The following FGF5 variants were observed in gnomAD, a reference collection of about 807,000 sequenced individuals.
The protein encoded by FGF5 is heparin-binding growth factor 5.
Under a neutral mutation model 21.8 loss-of-function variants are expected in FGF5, and 23 were observed. That is an observed-to-expected ratio of 1.05 (90% CI 0.76 to 1.49). The LOEUF is 1.49. Ranked by LOEUF, FGF5 falls within the 40% of genes most tolerant of loss-of-function variation. FGF5 has a pLI of 0.00. For synonymous variants in FGF5, 158 were observed against 124.0 expected (o/e 1.27, Z -1.82); for missense variants, 352 against 332.9 (o/e 1.06, Z -0.45).
chr4:80,284,461 A>G (rs1046158989), intron 2 of FGF5, among the ~76,000 whole-genome samples: 1 of 151,986 alleles, frequency 6.6e-6, no homozygotes, highest in African/African-American at 2.4e-5. Context: ...CAAAACAACA[A>G]CAACAACAAC....
At chr4:80,274,680 G>T (rs959708893) in intron 1 of FGF5, among the ~76,000 whole-genome samples, 4 of 152,072 alleles carry the variant, frequency 2.6e-5, no homozygotes, top group African/African-American at 9.7e-5. Flanking sequence ...AATTACTGAT[G>T]AAGTAGAATC....
chr4:80,279,574 T>C (rs1720500738), intron 2 of FGF5, among the ~76,000 whole-genome samples: 2 of 152,190 alleles, frequency 1.3e-5, no homozygotes, highest in African/African-American at 4.8e-5. Context: ...GAACCTAATT[T>C]CAAAGCAAAA....
Position 80,286,357 on chromosome 4 carries a change from G to A in FGF5, c.492G>A (p.Glu164=). 6.3e-7 allele frequency: 1 copy of A among 1,599,306 alleles called. No homozygotes were observed. The highest frequency in any genetic ancestry group is 2.2e-5 in the East Asian group (1 of 44,594). The change falls in exon 3 of 3, where the codon GAG becomes GAA. Residue 164 remains glutamate, a synonymous_variant. Coordinates refer to ENST00000312465, the MANE Select transcript of FGF5 (RefSeq NM_004464.4). ...AKFTDDCKFR[E]RFQENSYNTY... is the part of the protein sequence containing the mutation. ...TCACAGATGACTGCAAGTTCAGGGA[G>A]CGTTTTCAAGAAAATAGCTATAATA... is the stretch of plus-strand genomic sequence containing the variant.
At chr4:80,283,162 A>T (rs1720604027) in intron 2 of FGF5, among the ~76,000 whole-genome samples, 1 of 152,208 alleles carries the variant, frequency 6.6e-6, no homozygotes, top group African/African-American at 2.4e-5. Flanking sequence ...CATTAAATTA[A>T]AAGTTAATTA....
chr4:80,273,172 GT>G lies in FGF5; in HGVS notation c.356-1727del, dbSNP rs34389810. On this transcript the variant is annotated intron_variant, in intron 1 of 2. Coordinates refer to ENST00000312465, the MANE Select transcript of FGF5 (RefSeq NM_004464.4). ...GGAAAGGATTTATACAGCACTGGTG[GT>G]TTTTTTTTTCAGTTTCCTTCTAAAA... is the stretch of plus-strand genomic sequence containing the variant. 6.7e-3 allele frequency among the ~76,000 whole-genome samples: 983 copies of G among 146,422 alleles called. 9 individuals are homozygous for G. The highest frequency in any genetic ancestry group is 6.6e-3 in the Non-Finnish European group (439 of 66,056).
In FGF5 at chr4:80,266,896, G is replaced by A. The variant is rs764330809; in HGVS notation, c.72G>A (p.Lys24=). 1.6e-5 allele frequency: 26 copies of A among 1,613,694 alleles called. No homozygotes were observed. The South Asian group carries it at 2.7e-4, about 17-fold the overall frequency. The change falls in exon 1 of 3, where the codon AAG becomes AAA. Residue 24 remains lysine (K), a synonymous_variant. Transcript: ENST00000312465. ...LILSAWAHGE[K]RLAPKGQPGP... is the part of the protein sequence containing the mutation. ...TCAGCGCCTGGGCTCACGGGGAGAA[G>A]CGTCTCGCCCCCAAAGGGCAACCCG... is the stretch of plus-strand genomic sequence containing the variant.
At chr4:80,267,493 C>T (rs1248787780) in intron 1 of FGF5, among the ~76,000 whole-genome samples, 2 of 152,094 alleles carry the variant, frequency 1.3e-5, no homozygotes, top group East Asian at 1.9e-4. Context: ...CAGGAGAGAA[C>T]AAAAAACTCA....
chr4:80,284,204 C>T (rs1163245360), intron 2 of FGF5, among the ~76,000 whole-genome samples: 3 of 152,100 alleles, frequency 2.0e-5, no homozygotes, highest in Admixed American at 2.0e-4. Context: ...GAGGCCGAGG[C>T]AGGCAGATTA....
At chr4:80,268,755 G>C (rs1466735454) in intron 1 of FGF5, among the ~76,000 whole-genome samples, 2 of 152,242 alleles carry the variant, frequency 1.3e-5, no homozygotes, top group Non-Finnish European at 2.9e-5. Context: ...CCCAGCTGGA[G>C]AGAGGGCCCT....
chr4:80,279,086 A>C (rs1720488966), intron 2 of FGF5, among the ~76,000 whole-genome samples: 1 of 151,978 alleles, frequency 6.6e-6, no homozygotes, highest in East Asian at 1.9e-4. Context: ...TCCCCTAGAG[A>C]GCCTTTCTGG....
At chr4:80,272,703 C>T (rs1018109854) in intron 1 of FGF5, among the ~76,000 whole-genome samples, 1 of 151,974 alleles carries the variant, frequency 6.6e-6, no homozygotes, top group Non-Finnish European at 1.5e-5. Flanking sequence ...GAATTAAAAG[C>T]CTCTAACAAT....
chr4:80,270,477 T>C (rs1015189010), intron 1 of FGF5, among the ~76,000 whole-genome samples: 3 of 152,172 alleles, frequency 2.0e-5, no homozygotes, highest in Non-Finnish European at 2.9e-5. Flanking sequence ...CCAATTAATA[T>C]ACTCTTAGCT....
chr4:80,286,604 A>T lies in FGF5; in HGVS notation c.739A>T (p.Ile247Phe). The T allele has an allele frequency of 6.2e-7, 1 of 1,614,010 alleles. No individual in the cohort carries two copies. ...GCCACCTAGCCCTATCAAGCCAAAG[A>T]TTCCCCTTTCTGCACCTCGGAAAAA... ...KKPPSPIKPK[I>F]PLSAPRKNTN... The change falls in exon 3 of 3, where the codon ATT (isoleucine) becomes TTT (phenylalanine). Residue 247 changes from isoleucine (I) to phenylalanine (F), a missense_variant. Coordinates refer to ENST00000312465, the MANE Select transcript of FGF5 (RefSeq NM_004464.4).
Position 80,267,377 on chromosome 4 carries a change from A to T in FGF5, c.355+198A>T, listed in dbSNP as rs544049683. ...GCGCACACGCACCCCTCTCCTGGGC[A>T]TGAGGAATTGCGATTTCTCAGGTGT... On this transcript the variant is annotated intron_variant, in intron 1 of 2. Coordinates refer to ENST00000312465, the MANE Select transcript of FGF5 (RefSeq NM_004464.4). 8.2e-4 allele frequency among the ~76,000 whole-genome samples: 125 copies of T among 152,282 alleles called. 1 individual carries two copies. Among genetic ancestry groups the T allele is most frequent in the African/African-American group, 3.0e-3 (123 of 41,568 alleles).
In FGF5 at chr4:80,288,217, A is replaced by G. The variant is rs930580036; in HGVS notation, c.*1545A>G. 7.2e-5 allele frequency: 11 copies of G among 152,152 alleles called. No homozygotes were observed. Among genetic ancestry groups the G allele is most frequent in the Admixed American group, 2.0e-4 (3 of 15,260 alleles). 9.4% of individuals were successfully genotyped at this position (152,152 alleles called of 1,614,324 possible). A position where few individuals can be genotyped will look rare whatever the true frequency, so the allele number is the denominator to read the frequency against. On this transcript the variant is annotated 3_prime_UTR_variant, in exon 3 of 3. Coordinates refer to ENST00000312465, the MANE Select transcript of FGF5 (RefSeq NM_004464.4). ...AACTATTTTTTTCTTAAAGCAAACT[A>G]TGATTTATTTTGGTGCACAAATACA...
chr4:80,286,716 GT>G lies in FGF5; in HGVS notation c.*47del, dbSNP rs1218413341. The G allele has an allele frequency of 1.3e-6, 2 of 1,482,880 alleles. No homozygotes were observed. Among genetic ancestry groups the G allele is most frequent in the East Asian group, 4.6e-5 (2 of 43,668 alleles). 91.9% of individuals were successfully genotyped at this position (1,482,880 alleles called of 1,614,324 possible). ...GAGAAACCATTCTTTCCCCTCAGGA[GT>G]TTCTATAGGTGTCTTCAGAGTTCTG... is the stretch of plus-strand genomic sequence containing the variant. On this transcript the variant is annotated 3_prime_UTR_variant, in exon 3 of 3. Transcript: ENST00000312465.
Position 80,266,991 on chromosome 4 carries a change from C to G in FGF5, c.167C>G (p.Ser56Cys). Residue 56 changes from serine (S) to cysteine (C), a missense_variant, in exon 1 of 3, where the codon TCC (serine) becomes TGC (cysteine). Physicochemically the swap from Ser to Cys is moderately radical, Grantham distance 112 (BLOSUM62 -1). Transcript: ENST00000312465. ...CAGAGCAGCAGTAGCGCTATGTCTT[C>G]CTCTTCTGCCTCCTCCTCCCCCGCA... ...SRQSSSSAMS[S>C]SSASSSPAAS... 1.2e-6 allele frequency: 2 copies of G among 1,614,226 alleles called. No individual in the cohort carries two copies. Among genetic ancestry groups the G allele is most frequent in the Non-Finnish European group, 8.5e-7 (1 of 1,180,040 alleles).
At chr4:80,285,552 G>T (rs779725144) in intron 2 of FGF5, among the ~76,000 whole-genome samples, 141 of 152,066 alleles carry the variant, frequency 9.3e-4, no homozygotes, top group Non-Finnish European at 1.7e-3. Context: ...TGTACCCTCT[G>T]CATACCGCTG....
At chr4:80,277,097 T>C (rs1560499739) in intron 2 of FGF5, among the ~76,000 whole-genome samples, 1 of 152,174 alleles carries the variant, frequency 6.6e-6, no homozygotes, top group African/African-American at 2.4e-5. Flanking sequence ...TTAAGATACA[T>C]GATTCCTCTG....
Sources: allele counts gnomAD v4.1 joint callset (sites outside exome capture counted in the v4.1 genomes callset), GRCh38; gene constraint gnomAD v4.1.1; transcripts MANE v1.5; gene names NCBI Gene and HGNC (gene_info 2026-07-23, HGNC 2026-07-21).